SLC5A8: variants seen among roughly 807,000 people sequenced by gnomAD.
The protein encoded by SLC5A8 is solute carrier family 5 member 8, also known as sodium-coupled monocarboxylate transporter 1.
SLC5A8 carries 55 observed loss-of-function variants against 71.9 expected under a neutral mutation model. That is an observed-to-expected ratio of 0.77 (90% CI 0.62 to 0.96). The LOEUF (loss-of-function observed/expected upper bound fraction) is 0.96. Ranked by LOEUF, SLC5A8 falls within the 40% of genes least tolerant of loss-of-function variation. The probability of loss-of-function intolerance (pLI) is 0.00; values close to 1 mark genes in which losing one functional copy is unlikely to be tolerated. For missense variants in SLC5A8, 701 were observed against 745.3 expected, an observed-to-expected ratio of 0.94 and a Z score of 0.69; for synonymous variants, 307 against 276.1, an observed-to-expected ratio of 1.11 and a Z score of -1.11.
intron 9 of SLC5A8, among the ~76,000 whole-genome samples, chr12:101,180,298 A>G (rs1476703996): frequency 6.6e-6 from 1 of 152,194 alleles, no homozygotes; most frequent in East Asian, 1.9e-4. Flanking sequence ...AAGCCCTTAC[A>G]TTGTGTCCCA....
rs61738792 is a variant in SLC5A8 at position 101,209,765 on chromosome 12, G to T, written c.84C>A (p.Ile28=). The T allele has an allele frequency of 5.6e-6, 9 of 1,611,004 alleles. No individual in the cohort carries two copies. Among genetic ancestry groups the T allele is most frequent in the Non-Finnish European group, 6.8e-6 (8 of 1,178,812 alleles). ...CCCCAGCGAAGGCGTAGTAGATGCC[G>T]ATGGCGGCCGAGATGACCAGCATGC... ...FAGMLVISAA[I]GIYYAFAGGG... Residue 28 remains isoleucine, a synonymous_variant, in exon 1 of 15, where the codon ATC becomes ATA. Coordinates refer to ENST00000536262, the MANE Select transcript of SLC5A8 (RefSeq NM_145913.5).
chr12:101,177,170 G>A (rs1050091855), intron 10 of SLC5A8, among the ~76,000 whole-genome samples: 1 of 151,764 alleles, frequency 6.6e-6, no homozygotes, highest in Non-Finnish European at 1.5e-5. Context: ...TAGATAAAAT[G>A]GAACAATTCC....
At position 101,209,998 on chromosome 12, in the gene SLC5A8, A is replaced by C; in HGVS notation, c.-150T>G. The stretch of plus-strand genomic sequence containing the variant: ...GCGTCCTCCAGGTGTCGGCCTCCGA[A>C]CGCACCCCGAGGCGGGGTGAGGGCT... On this transcript the variant is annotated 5_prime_UTR_variant, in exon 1 of 15. Transcript: ENST00000536262. The C allele has an allele frequency of 1.6e-6, 1 of 644,940 alleles. No individual in the cohort carries two copies. The highest frequency in any genetic ancestry group is 2.4e-6 in the Non-Finnish European group (1 of 410,458). 40.0% of individuals were successfully genotyped at this position (644,940 alleles called of 1,614,324 possible).
At chr12:101,161,793 A>C (rs1023820323) in intron 13 of SLC5A8, among the ~76,000 whole-genome samples, 181 bp downstream of exon 13, 3 of 152,346 alleles carry the variant, frequency 2.0e-5, no homozygotes, top group East Asian at 1.9e-4. Flanking sequence ...CCAAGATTCA[A>C]ATAGAAATGA....
intron 13 of SLC5A8, among the ~76,000 whole-genome samples, chr12:101,158,913 A>G (rs1056459088): frequency 1.3e-5 from 2 of 148,736 alleles, no homozygotes; most frequent in Non-Finnish European, 3.0e-5. Flanking sequence ...ATGCTGACTG[A>G]CGTTTGATCC....
Position 101,210,181 on chromosome 12 carries a change from GAGCC to G in SLC5A8, c.-337_-334del. 2 of 303,004 alleles carry G rather than the reference GAGCC, an allele frequency of 6.6e-6. No individual in the cohort carries two copies. Among genetic ancestry groups the G allele is most frequent in the Admixed American group, 5.1e-5 (1 of 19,472 alleles). 18.8% of individuals were successfully genotyped at this position (303,004 alleles called of 1,614,324 possible). A position where few individuals can be genotyped will look rare whatever the true frequency, so the allele number is the denominator to read the frequency against. Reference sequence around the variant, plus strand: ...GGGACACCTGAGCAGATGAGAACTGGAGCCTCCAGCTGCTTCCAGCGAATCTACA... The same window carrying G: ...GGGACACCTGAGCAGATGAGAACTGGTCCAGCTGCTTCCAGCGAATCTACA... On this transcript the variant is annotated 5_prime_UTR_variant, in exon 1 of 15. Coordinates refer to ENST00000536262, the MANE Select transcript of SLC5A8 (RefSeq NM_145913.5).
intron 1 of SLC5A8, among the ~76,000 whole-genome samples, chr12:101,207,792 T>G (rs1869733912): frequency 6.6e-6 from 1 of 152,084 alleles, no homozygotes. Flanking sequence ...TCCCACCCAC[T>G]AAGATATATG....
intron 5 of SLC5A8, 127 bp from the exon 6 acceptor site, chr12:101,190,735 T>C: frequency 3.1e-6 from 2 of 645,326 alleles, no homozygotes; most frequent in Non-Finnish European, 4.5e-6. Flanking sequence ...TATGTAAAAA[T>C]TTATTAATTA....
intron 5 of SLC5A8, among the ~76,000 whole-genome samples, chr12:101,191,096 ATCAG>A (rs1366954470): frequency 3.9e-5 from 6 of 152,192 alleles, no homozygotes; most frequent in Admixed American, 6.5e-5. Flanking sequence ...CGTTCAACAA[ATCAG>A]TCAATTAATG....
At chr12:101,194,064 A>C (rs1191668746) in intron 4 of SLC5A8, among the ~76,000 whole-genome samples, 1 of 152,248 alleles carries the variant, frequency 6.6e-6, no homozygotes, top group East Asian at 1.9e-4. Context: ...ATGGGGCCAG[A>C]TACATTCCAC....
chr12:101,190,604 T>C lies in SLC5A8; in HGVS notation c.697A>G (p.Asn233Asp), dbSNP rs1868854878. Residue 233 changes from asparagine to aspartate, a missense_variant, in exon 6 of 15, where the codon AAT becomes GAT. Transcript: ENST00000536262. Reference protein sequence around the residue: ...DGGRLNFWNFNPNPLQRHTFW... With the variant: ...DGGRLNFWNFDPNPLQRHTFW... The stretch of plus-strand genomic sequence containing the variant: ...GTGTGTCTTTGCAAAGGGTTAGGAT[T>C]AAAACTAAATGACAAGAAACAGAAA... 1 of 1,595,814 alleles carries C rather than the reference T, an allele frequency of 6.3e-7. No homozygotes were observed. Among genetic ancestry groups the C allele is most frequent in the Non-Finnish European group, 8.5e-7 (1 of 1,174,564 alleles).
intron 14 of SLC5A8, 67 bp downstream of exon 14, chr12:101,158,182 T>G (rs2051684933): frequency 9.3e-7 from 1 of 1,080,556 alleles, no homozygotes; most frequent in Non-Finnish European, 1.4e-6. Context: ...GGTTGAGAAC[T>G]AATTAGTGTT....
chr12:101,206,566 G>A (rs909310021), intron 1 of SLC5A8, among the ~76,000 whole-genome samples: 5 of 152,176 alleles, frequency 3.3e-5, no homozygotes, highest in Non-Finnish European at 7.4e-5. Context: ...CAATTACTAG[G>A]CTGCTGAAGA....
chr12:101,207,891 A>G (rs1869738636), intron 1 of SLC5A8, among the ~76,000 whole-genome samples: 2 of 152,176 alleles, frequency 1.3e-5, no homozygotes, highest in Admixed American at 1.3e-4. Flanking sequence ...AAATGCAGAT[A>G]AAAATTTCTC....
Position 101,155,944 on chromosome 12 carries a change from A to T in SLC5A8, c.*1335T>A, listed in dbSNP as rs1013560929. 2.3e-4 allele frequency: 33 copies of T among 143,502 alleles called. No individual in the cohort carries two copies. Among genetic ancestry groups the T allele is most frequent in the Non-Finnish European group, 4.7e-4 (31 of 66,420 alleles). The allele number at this position is 143,502 out of a possible 1,614,324, so 8.9% of individuals were successfully genotyped here. ...TTGTATGTATCTAAATATTTCTCTT[A>T]TGTTTCTAAAAAAAATTGAGTTTAA... On this transcript the variant is annotated 3_prime_UTR_variant, in exon 15 of 15. Transcript: ENST00000536262.
At chr12:101,207,615 T>C (rs1447907580) in intron 1 of SLC5A8, among the ~76,000 whole-genome samples, 1 of 152,164 alleles carries the variant, frequency 6.6e-6, no homozygotes, top group African/African-American at 2.4e-5. Context: ...AGCATTCATG[T>C]GTGGGGACTG....
At chr12:101,169,806 A>G (rs1196723442) in intron 10 of SLC5A8, among the ~76,000 whole-genome samples, 1 of 152,226 alleles carries the variant, frequency 6.6e-6, no homozygotes, top group East Asian at 1.9e-4. Context: ...GGAACCAGAT[A>G]TTTGATACAG....
chr12:101,204,395 A>G, intron 2 of SLC5A8, 105 bp downstream of exon 2: 1 of 965,784 alleles, frequency 1.0e-6, no homozygotes, highest in East Asian at 2.5e-5. Context: ...TTTTTTCAAC[A>G]TCTCTTTTTT....
rs746207517 is a variant in SLC5A8, at chr12:101,193,710, C to T, written c.607G>A (p.Val203Met). Residue 203 changes from valine (V) to methionine (M), a missense_variant, in exon 5 of 15, where the codon GTG (valine) becomes ATG (methionine). Physicochemically the swap from Val to Met is conservative, Grantham distance 21 (BLOSUM62 1). Coordinates refer to ENST00000536262, the MANE Select transcript of SLC5A8 (RefSeq NM_145913.5). ...TGCATCACCACAGCCTGTATAATCA[C>T]GGATGCAAATCCAGCCACCATGATC... ...VGIMVAGFAS[V>M]IIQAVVMQGG... 4.0e-5 allele frequency: 65 copies of T among 1,614,138 alleles called. No individual in the cohort carries two copies. Among genetic ancestry groups the T allele is most frequent in the South Asian group, 2.7e-4 (25 of 91,082 alleles).
Sources: allele counts gnomAD v4.1 joint callset (sites outside exome capture counted in the v4.1 genomes callset), GRCh38; gene constraint gnomAD v4.1.1; transcripts MANE v1.5; gene names NCBI Gene and HGNC (gene_info 2026-07-23, HGNC 2026-07-21).